Variants in RALYL observed in about 807,000 individuals in gnomAD.
The protein encoded by RALYL is RALY RNA binding protein like.
A neutral mutation model predicts 35.1 loss-of-function variants in RALYL; 29 were observed. The observed-to-expected ratio is 0.83, with a 90% CI of 0.61 to 1.13. The LOEUF (loss-of-function observed/expected upper bound fraction) is 1.13, where lower values mean the gene tolerates loss of function less well. Among genes scored for constraint, RALYL ranks in the 50% most tolerant of loss-of-function variants. RALYL has a pLI of 0.00. For synonymous variants in RALYL, 120 were observed against 127.6 expected, an observed-to-expected ratio of 0.94 and a Z score of 0.40; for missense variants, 359 against 360.4, an observed-to-expected ratio of 1.00 and a Z score of 0.03.
chr8:84,656,254 C>T (rs1294389159), intron 2 of RALYL, among the ~76,000 whole-genome samples: 3 of 152,088 alleles, frequency 2.0e-5, no homozygotes, highest in Non-Finnish European at 4.4e-5. Context: ...ATTCTGCAGG[C>T]CCCAAGACAA....
At chr8:84,802,865 G>T (rs1457051444) in intron 3 of RALYL, among the ~76,000 whole-genome samples, 1 of 152,128 alleles carries the variant, frequency 6.6e-6, no homozygotes. Flanking sequence ...AACTAGGCTG[G>T]GGTAACTAAT....
chr8:84,688,422 A>C (rs982916779), intron 2 of RALYL, among the ~76,000 whole-genome samples: 7 of 152,174 alleles, frequency 4.6e-5, no homozygotes, highest in African/African-American at 4.8e-5. Flanking sequence ...CCAGAAATAC[A>C]ACCACACATA....
intron 1 of RALYL, among the ~76,000 whole-genome samples, chr8:84,472,816 C>T (rs1423971080): frequency 1.3e-5 from 2 of 152,134 alleles, no homozygotes; most frequent in Admixed American, 6.6e-5. Flanking sequence ...TCCCTTCATT[C>T]TAACAGCTCT....
chr8:84,716,454 A>G (rs953937830), intron 2 of RALYL, among the ~76,000 whole-genome samples: 5 of 152,230 alleles, frequency 3.3e-5, no homozygotes, highest in Non-Finnish European at 7.3e-5. Context: ...AAATTCATTT[A>G]CTTGGTCACA....
At chr8:84,358,552 A>G (rs888034893) in intron 1 of RALYL, among the ~76,000 whole-genome samples, 2 of 152,072 alleles carry the variant, frequency 1.3e-5, no homozygotes, top group African/African-American at 4.8e-5. Flanking sequence ...ATGATGGATT[A>G]GTAAATGATG....
intron 1 of RALYL, among the ~76,000 whole-genome samples, chr8:84,430,196 T>A (rs2046992518): frequency 6.6e-6 from 1 of 152,122 alleles, no homozygotes; most frequent in Admixed American, 6.6e-5. Context: ...CTTTATTTTA[T>A]GGTGAGCAAA....
intron 1 of RALYL, among the ~76,000 whole-genome samples, chr8:84,231,623 A>G (rs192596612): frequency 1.8e-4 from 28 of 152,336 alleles, no homozygotes; most frequent in African/African-American, 6.7e-4. Context: ...TTTTTAAAAC[A>G]TATTTCTTGG....
At chr8:84,853,729 C>CATGAA (rs1801359827) in intron 5 of RALYL, among the ~76,000 whole-genome samples, 1 of 152,036 alleles carries the variant, frequency 6.6e-6, no homozygotes, top group Admixed American at 6.6e-5. Flanking sequence ...CATAGAATAC[C>CATGAA]ATGAAATAAA....
intron 1 of RALYL, among the ~76,000 whole-genome samples, chr8:84,308,899 G>T (rs570515348): frequency 6.6e-6 from 1 of 151,832 alleles, no homozygotes; most frequent in South Asian, 2.1e-4. Flanking sequence ...AAAAACATGG[G>T]CAAAGATATA....
At chr8:84,854,746 A>G (rs887282145) in intron 5 of RALYL, among the ~76,000 whole-genome samples, 1 of 152,236 alleles carries the variant, frequency 6.6e-6, no homozygotes, top group Non-Finnish European at 1.5e-5. Flanking sequence ...TAGTGACTGC[A>G]GGAAGCTGCT....
intron 2 of RALYL, among the ~76,000 whole-genome samples, chr8:84,771,095 T>C (rs944313916): frequency 6.6e-6 from 1 of 152,126 alleles, no homozygotes; most frequent in Admixed American, 6.6e-5. Context: ...CATTCAATTT[T>C]GCAATTAAAT....
intron 1 of RALYL, among the ~76,000 whole-genome samples, chr8:84,450,412 C>T (rs1230762620): frequency 6.6e-6 from 1 of 151,784 alleles, no homozygotes; most frequent in Non-Finnish European, 1.5e-5. Flanking sequence ...TTCAGTTCCT[C>T]CAGGCTGCAT....
In RALYL at chr8:84,700,354, T is replaced by C. The variant is rs535765296; in HGVS notation, c.257-74225T>C. 1.8e-3 allele frequency among the ~76,000 whole-genome samples: 278 copies of C among 152,156 alleles called. 1 individual carries two copies. Among genetic ancestry groups the C allele is most frequent in the African/African-American group, 6.3e-3 (262 of 41,546 alleles). On this transcript the variant is annotated intron_variant, in intron 2 of 8. Coordinates refer to ENST00000521268, the MANE Select transcript of RALYL (RefSeq NM_173848.7). ...ATAATTGTAAAGATTTCTTTGACAT[T>C]AATGCATAGGAAACTGGACAAAGTC... is the stretch of plus-strand genomic sequence containing the variant.
At chr8:84,809,215 C>CA (rs1825350898) in intron 4 of RALYL, among the ~76,000 whole-genome samples, 1 of 152,056 alleles carries the variant, frequency 6.6e-6, no homozygotes, top group Non-Finnish European at 1.5e-5. Flanking sequence ...TTGTCAGATG[C>CA]TTTTTCTGCA....
intron 1 of RALYL, among the ~76,000 whole-genome samples, chr8:84,391,208 C>T (rs1355688534): frequency 6.6e-6 from 1 of 151,942 alleles, no homozygotes. Flanking sequence ...CATAATTCTG[C>T]ATTTGAGAGG....
intron 4 of RALYL, among the ~76,000 whole-genome samples, chr8:84,829,925 C>A (rs985914536): frequency 2.7e-5 from 4 of 149,872 alleles, no homozygotes; most frequent in African/African-American, 9.8e-5. Flanking sequence ...GAACTCACAG[C>A]CAGCAGCACA....
intron 1 of RALYL, among the ~76,000 whole-genome samples, chr8:84,488,517 G>A (rs2054896957): frequency 6.6e-6 from 1 of 151,968 alleles, no homozygotes; most frequent in Admixed American, 6.6e-5. Context: ...TTCTGATGTG[G>A]ACCTCTGAAC....
chr8:84,710,540 G>C (rs1245198718), intron 2 of RALYL, among the ~76,000 whole-genome samples: 1 of 149,168 alleles, frequency 6.7e-6, no homozygotes, highest in Non-Finnish European at 1.5e-5. Flanking sequence ...GACCTCAGGT[G>C]ATCTGCCTGC....
chr8:84,585,267 T>C (rs1811734116), intron 2 of RALYL, among the ~76,000 whole-genome samples: 1 of 152,226 alleles, frequency 6.6e-6, no homozygotes, highest in Non-Finnish European at 1.5e-5. Flanking sequence ...TATGTTTGTG[T>C]CTGATCTGCC....
Sources: allele counts gnomAD v4.1 joint callset (sites outside exome capture counted in the v4.1 genomes callset), GRCh38; gene constraint gnomAD v4.1.1; transcripts MANE v1.5; gene names NCBI Gene and HGNC (gene_info 2026-07-23, HGNC 2026-07-21).